Variants in ADAMTSL2 observed in about 807,000 individuals in gnomAD.
ADAMTSL2 encodes the protein ADAMTS like 2.
Under a neutral mutation model 117.0 loss-of-function variants are expected in ADAMTSL2, and 55 were observed. The observed-to-expected ratio is 0.47, with a 90% confidence interval of 0.38 to 0.59. The LOEUF (loss-of-function observed/expected upper bound fraction) is 0.59. Ranked by LOEUF, ADAMTSL2 falls within the 20% of genes least tolerant of loss-of-function variation. The probability of loss-of-function intolerance (pLI) is 0.00; values close to 1 mark genes in which losing one functional copy is unlikely to be tolerated. For synonymous variants in ADAMTSL2, 572 were observed against 566.4 expected (o/e 1.01, Z -0.14); for missense variants, 1,182 against 1,354.5 (o/e 0.87, Z 2.00).
At position 133,555,794 on chromosome 9, in the gene ADAMTSL2, G is replaced by A. The variant is rs1830593015; in HGVS notation, c.1513G>A (p.Ala505Thr). 1 of 1,613,880 alleles carries A rather than the reference G, an allele frequency of 6.2e-7. No individual in the cohort carries two copies. The highest frequency in any genetic ancestry group is 8.5e-7 in the Non-Finnish European group (1 of 1,180,050). ...CGTGGATTATGAGGAGAACGAGGGGGCTGGCCCTTACCTGCTCAACGGGTC... is the reference window on the plus strand; with the variant it reads ...CGTGGATTATGAGGAGAACGAGGGGACTGGCCCTTACCTGCTCAACGGGTC... ...FFVDYEENEG[A>T]GPYLLNGSYL... The change falls in exon 11 of 19, where the codon GCT becomes ACT. Residue 505 changes from alanine to threonine, a missense_variant. Ala to Thr is a moderately conservative substitution (Grantham distance 58). Around this residue, in one of 3 missense-constraint regions of ADAMTSL2, gnomAD observed 345 missense variants for 325.8 expected, o/e 1.06. Transcript: ENST00000651351.
At chr9:133,569,179 G>C (rs1044117094) in intron 15 of ADAMTSL2, among the ~76,000 whole-genome samples, 13 of 152,120 alleles carry the variant, frequency 8.5e-5, no homozygotes, top group African/African-American at 2.4e-4. Context: ...GCCTCTGGGT[G>C]GTGGGTGCAC....
At position 133,558,335 on chromosome 9, in the gene ADAMTSL2, T is replaced by A. The variant is rs1564505596; in HGVS notation, c.1649+2405T>A. Among the ~76,000 whole-genome samples the A allele has an allele frequency of 6.6e-6, 1 of 152,140 alleles. No individual in the cohort carries two copies. Among genetic ancestry groups the A allele is most frequent in the Admixed American group, 6.5e-5 (1 of 15,280 alleles). ...ACCACCAGGCCAAAATAGCCACGTC[T>A]CGGCCGAGTTGTCCAAACACAGGAA... On this transcript the variant is annotated intron_variant, in intron 11 of 18. Coordinates refer to ENST00000651351, the MANE Select transcript of ADAMTSL2 (RefSeq NM_014694.4). This position sits in a 1 kb window ranked among gnomAD's most constrained non-coding sequence, Gnocchi z 4.3.
chr9:133,546,950 A>T (rs1364797811), intron 8 of ADAMTSL2, 88 bp from the exon 9 acceptor site: 3 of 1,356,592 alleles, frequency 2.2e-6, no homozygotes, highest in Non-Finnish European at 2.1e-6. Context: ...TCTGGAGGGC[A>T]GGGCTGGTGG....
At chr9:133,573,064 C>T (rs1441969026) in intron 17 of ADAMTSL2, among the ~76,000 whole-genome samples, 1 of 146,916 alleles carries the variant, frequency 6.8e-6, no homozygotes, top group Admixed American at 6.6e-5. Flanking sequence ...AAGTCTTAAT[C>T]GGTCTTCCTT....
Position 133,575,049 on chromosome 9 carries a change from C to A in ADAMTSL2, c.*185C>A. On this transcript the variant is annotated 3_prime_UTR_variant, in exon 19 of 19. Transcript: ENST00000651351. ...GGACCTTTGTGCTCCTGGGGCAGAG[C>A]CTCCGGCACCCAGTGGCCTCCCCCA... 1.7e-6 allele frequency: 1 copy of A among 605,586 alleles called. No individual in the cohort carries two copies. Among genetic ancestry groups the A allele is most frequent in the Non-Finnish European group, 2.9e-6 (1 of 339,450 alleles). The allele number at this position is 605,586 out of a possible 1,614,324, so 37.5% of individuals were successfully genotyped here.
chr9:133,553,433 C>T (rs1830532402), intron 9 of ADAMTSL2, among the ~76,000 whole-genome samples: 1 of 152,206 alleles, frequency 6.6e-6, no homozygotes, highest in South Asian at 2.1e-4. Flanking sequence ...CCATGCCATC[C>T]TTCCGTTCTT....
At chr9:133,548,806 G>C (rs1830416345) in intron 9 of ADAMTSL2, among the ~76,000 whole-genome samples, 3 of 152,184 alleles carry the variant, frequency 2.0e-5, no homozygotes, top group African/African-American at 7.2e-5. Flanking sequence ...GTTCACCGAA[G>C]GGTGGGGTCC....
chr9:133,575,040 G>A lies in ADAMTSL2; in HGVS notation c.*176G>A, dbSNP rs367754960. 65 of 614,624 alleles carry A rather than the reference G, an allele frequency of 1.1e-4. No individual in the cohort carries two copies. In the African/African-American group the frequency reaches 1.1e-3, roughly 11 times the overall value. The allele number at this position is 614,624 out of a possible 1,614,324, so 38.1% of individuals were successfully genotyped here. A position where few individuals can be genotyped will look rare whatever the true frequency, so the allele number is the denominator to read the frequency against. ...ACGGCCCGTGGACCTTTGTGCTCCTGGGGCAGAGCCTCCGGCACCCAGTGG... is the reference window on the plus strand; with the variant it reads ...ACGGCCCGTGGACCTTTGTGCTCCTAGGGCAGAGCCTCCGGCACCCAGTGG... On this transcript the variant is annotated 3_prime_UTR_variant, in exon 19 of 19. Coordinates refer to ENST00000651351, the MANE Select transcript of ADAMTSL2 (RefSeq NM_014694.4).
chr9:133,538,822 A>G (rs751516898), intron 4 of ADAMTSL2, among the ~76,000 whole-genome samples: 3 of 151,712 alleles, frequency 2.0e-5, no homozygotes, highest in African/African-American at 4.8e-5. Context: ...ACGCCATAAA[A>G]CAGTTCCCTG....
intron 11 of ADAMTSL2, 135 bp from the exon 12 acceptor site, chr9:133,561,063 C>T (rs370240141): frequency 8.7e-5 from 67 of 767,370 alleles, no homozygotes; most frequent in East Asian, 8.6e-4. Context: ...GGTGGAGGGT[C>T]GGCCCGGGGC....
At chr9:133,574,098 A>G in intron 18 of ADAMTSL2, 111 bp downstream of exon 18, 1 of 1,431,928 alleles carries the variant, frequency 7.0e-7, no homozygotes, top group South Asian at 1.2e-5. Flanking sequence ...CGAGCCTGGG[A>G]ACCAGCTTGA....
rs1053021349 is a variant in ADAMTSL2 at position 133,555,769 on chromosome 9, C to T, written c.1488C>T (p.Phe496=). The part of the protein sequence containing the change: ...APRSSLAESF[F]VDYEENEGAG... ...GGAGCTCCCTGGCCGAGAGCTTCTT[C>T]GTGGATTATGAGGAGAACGAGGGGG... is the stretch of plus-strand genomic sequence containing the variant. The change falls in exon 11 of 19, where the codon TTC becomes TTT. Residue 496 remains phenylalanine (F), a synonymous_variant. Transcript: ENST00000651351. The T allele has an allele frequency of 4.2e-5, 67 of 1,614,020 alleles. No homozygotes were observed. In the Admixed American group the frequency reaches 9.2e-4, roughly 22 times the overall value.
chr9:133,564,397 G>A (rs1178794673), intron 12 of ADAMTSL2, among the ~76,000 whole-genome samples: 90 of 5,796 alleles, frequency 0.016, no homozygotes, highest in East Asian at 0.12. Flanking sequence ...AGAGAGAGAG[G>A]GAGAGAGAGA....
In ADAMTSL2 at chr9:133,547,163, A is replaced by G. The variant is rs766816510; in HGVS notation, c.889A>G (p.Ile297Val). ...GCCCATGGATGTCTATGAGACCGGA[A>G]TCGAGTACATCGTGGCACAGGGGCC... ...RRPMDVYETG[I>V]EYIVAQGPTN... The change falls in exon 9 of 19, where the codon ATC (isoleucine) becomes GTC (valine). Residue 297 changes from isoleucine (I) to valine (V), a missense_variant. Physicochemically the swap from Ile to Val is conservative, Grantham distance 29. Coordinates refer to ENST00000651351, the MANE Select transcript of ADAMTSL2 (RefSeq NM_014694.4). 11 of 1,614,030 alleles carry G rather than the reference A, an allele frequency of 6.8e-6. No individual in the cohort carries two copies. The highest frequency in any genetic ancestry group is 9.3e-6 in the Non-Finnish European group (11 of 1,180,018).
chr9:133,567,596 C>T (rs1478392116), intron 13 of ADAMTSL2, among the ~76,000 whole-genome samples: 1 of 152,200 alleles, frequency 6.6e-6, no homozygotes, highest in African/African-American at 2.4e-5. Context: ...ACACACTCCT[C>T]GGAGGCTGAG....
At chr9:133,542,639 G>T (rs1474361512) in intron 7 of ADAMTSL2, among the ~76,000 whole-genome samples, 1 of 152,184 alleles carries the variant, frequency 6.6e-6, no homozygotes, top group African/African-American at 2.4e-5. Flanking sequence ...TATTACTGTT[G>T]CTGAAATATA....
At position 133,540,715 on chromosome 9, in the gene ADAMTSL2, G is replaced by A. The variant is rs181826944; in HGVS notation, c.530G>A (p.Arg177Gln). ...ACATCCTGCAAGCTCACTGACCTGCGAGGGGTTTGCGTGTCTGGAAAATGT... is the reference window on the plus strand; with the variant it reads ...ACATCCTGCAAGCTCACTGACCTGCAAGGGGTTTGCGTGTCTGGAAAATGT... ...DGTSCKLTDL[R>Q]GVCVSGKCEP... The change falls in exon 6 of 19, where the codon CGA becomes CAA. Residue 177 changes from arginine to glutamine, a missense_variant. Arg to Gln is a conservative substitution (Grantham distance 43). Transcript: ENST00000651351. 2.4e-5 allele frequency: 39 copies of A among 1,613,912 alleles called. No homozygotes were observed. Among genetic ancestry groups the A allele is most frequent in the Middle Eastern group, 1.6e-4 (1 of 6,062 alleles).
chr9:133,563,904 GGA>G (rs1564508728), intron 12 of ADAMTSL2, among the ~76,000 whole-genome samples: 1 of 1,654 alleles, frequency 6.0e-4, no homozygotes, highest in African/African-American at 2.3e-3. Context: ...AGAGAGAAGG[GGA>G]GAGAGAGAGA....
chr9:133,535,983 T>A (rs1288838646), intron 1 of ADAMTSL2, among the ~76,000 whole-genome samples: 2 of 152,190 alleles, frequency 1.3e-5, no homozygotes, highest in South Asian at 4.1e-4. Flanking sequence ...CCTGGACTGC[T>A]GACATGCTGG....
Sources: gnomAD v4.1 joint callset for allele counts (sites outside exome capture counted in the v4.1 genomes callset) on GRCh38, gnomAD v4.1.1 for gene constraint, gnomAD v4.1.1 regional missense constraint, Gnocchi (gnomAD v3.1) non-coding constraint, MANE v1.5 for transcripts, NCBI Gene and HGNC (gene_info 2026-07-23, HGNC 2026-07-21) for gene names.